The following FGF14 variants were observed in gnomAD, a reference collection of about 807,000 sequenced individuals.
FGF14 encodes the protein fibroblast growth factor homologous factor 4.
In FGF14, 5 loss-of-function variants were observed where a neutral mutation model predicts 25.5. The observed-to-expected ratio is 0.20, with a 90% CI of 0.10 to 0.41. The LOEUF (loss-of-function observed/expected upper bound fraction) is 0.41, where lower values mean the gene tolerates loss of function less well. Ranked by LOEUF, FGF14 falls within the 10% of genes least tolerant of loss-of-function variation. FGF14 has a pLI of 1.00. For synonymous variants in FGF14, 138 were observed against 118.3 expected (o/e 1.17, Z -1.08); for missense variants, 222 against 320.1 (o/e 0.69, Z 2.34).
intron 2 of FGF14, among the ~76,000 whole-genome samples, chr13:101,873,607 A>G (rs1291664543): frequency 6.6e-6 from 1 of 152,092 alleles, no homozygotes; most frequent in Non-Finnish European, 1.5e-5. Flanking sequence ...GTAACACGTA[A>G]GAGAAAGGAA....
chr13:102,159,139 CAAAAAAA>C (rs1228096265), intron 1 of FGF14, among the ~76,000 whole-genome samples: 11 of 74,124 alleles, frequency 1.5e-4, no homozygotes, highest in Non-Finnish European at 2.4e-4. Context: ...GACTCTGTCT[CAAAAAAA>C]AAAAAAAAAA....
intron 1 of FGF14, among the ~76,000 whole-genome samples, chr13:102,126,137 T>C (rs2045939148): frequency 6.6e-6 from 1 of 151,484 alleles, no homozygotes. Context: ...TTCAGAACAT[T>C]GTACAACCAT....
At chr13:102,209,247 T>C (rs756701734) in intron 1 of FGF14, among the ~76,000 whole-genome samples, 30 of 152,182 alleles carry the variant, frequency 2.0e-4, no homozygotes, top group Non-Finnish European at 3.8e-4. Context: ...AGCCCAAACC[T>C]TGGGGTATTT....
intron 1 of FGF14, among the ~76,000 whole-genome samples, chr13:101,906,946 C>T (rs549887625): frequency 9.9e-5 from 15 of 152,146 alleles, no homozygotes; most frequent in African/African-American, 2.6e-4. Context: ...CTATGATAAA[C>T]GGCCCTTCCA....
In FGF14 at chr13:101,714,352, T is replaced by A; in HGVS notation, c.*8479A>T. The A allele has an allele frequency of 1.2e-6, 1 of 808,964 alleles. No individual in the cohort carries two copies. Among genetic ancestry groups the A allele is most frequent in the Non-Finnish European group, 2.2e-6 (1 of 456,418 alleles). 50.1% of individuals were successfully genotyped at this position (808,964 alleles called of 1,614,324 possible). On this transcript the variant is annotated 3_prime_UTR_variant, in exon 5 of 5. Coordinates refer to ENST00000376143, the MANE Select transcript of FGF14 (RefSeq NM_004115.4). ...TTTGGATGATGGGTTATTAGAAGCCTGTTGTCAGTGTGTCAACGATATTCT... is the reference window on the plus strand; with the variant it reads ...TTTGGATGATGGGTTATTAGAAGCCAGTTGTCAGTGTGTCAACGATATTCT...
At chr13:102,091,321 G>T (rs1301487464) in intron 1 of FGF14, among the ~76,000 whole-genome samples, 1 of 152,084 alleles carries the variant, frequency 6.6e-6, no homozygotes, top group South Asian at 2.1e-4. Context: ...GATTCTCTCT[G>T]TTAGGATCTG....
At chr13:101,830,212 T>C (rs1354186981) in intron 3 of FGF14, among the ~76,000 whole-genome samples, 1 of 152,050 alleles carries the variant, frequency 6.6e-6, no homozygotes, top group Non-Finnish European at 1.5e-5. Flanking sequence ...TAGCAACCAT[T>C]TGATTTTTTT....
intron 2 of FGF14, among the ~76,000 whole-genome samples, chr13:101,872,967 A>G (rs538691129): frequency 1.3e-4 from 19 of 151,974 alleles, no homozygotes; most frequent in Non-Finnish European, 1.9e-4. Flanking sequence ...TAGCATTTAG[A>G]GTGTCAGAAG....
At chr13:102,329,897 A>G (rs1003598828) in intron 1 of FGF14, among the ~76,000 whole-genome samples, 1 of 151,930 alleles carries the variant, frequency 6.6e-6, no homozygotes, top group Admixed American at 6.6e-5. Context: ...GCTCTTTATT[A>G]CACTCTTCTG....
At chr13:102,030,521 A>T (rs1357688678) in intron 1 of FGF14, among the ~76,000 whole-genome samples, 1 of 152,096 alleles carries the variant, frequency 6.6e-6, no homozygotes, top group Non-Finnish European at 1.5e-5. Context: ...TGAAACAAAT[A>T]CATTCGGGGG....
At chr13:102,338,907 A>G (rs937003384) in intron 1 of FGF14, among the ~76,000 whole-genome samples, 1 of 151,452 alleles carries the variant, frequency 6.6e-6, no homozygotes, top group Non-Finnish European at 1.5e-5. Context: ...GATACTCGGG[A>G]GTCTGAGGCA....
intron 1 of FGF14, among the ~76,000 whole-genome samples, chr13:102,241,273 T>G (rs7988980): frequency 0.17 from 25,120 of 152,026 alleles, 2,223 homozygotes; most frequent in Non-Finnish European, 0.2. Flanking sequence ...ACAGATTACA[T>G]GCATGTATGA....
intron 1 of FGF14, among the ~76,000 whole-genome samples, chr13:102,346,245 G>T (rs1289388721): frequency 6.6e-6 from 1 of 151,970 alleles, no homozygotes; most frequent in East Asian, 1.9e-4. Flanking sequence ...TTGTAAATAG[G>T]TATATTCATA....
chr13:101,910,998 C>G (rs927976086), intron 1 of FGF14, among the ~76,000 whole-genome samples: 2 of 151,740 alleles, frequency 1.3e-5, no homozygotes, highest in African/African-American at 4.8e-5. Flanking sequence ...TTTGGGGAGA[C>G]ATTAATATAA....
rs1566800088 is a variant in FGF14, at chr13:102,191,687, CA to C, written c.208+209783del. The stretch of plus-strand genomic sequence containing the variant: ...CATGCAAAATACATTAATTTTATCC[CA>C]AAAGCCTCAAAAGTCTTAACAGATT... On this transcript the variant is annotated intron_variant, in intron 1 of 4. Coordinates refer to the FGF14 transcript ENST00000376131. 2.0e-5 allele frequency among the ~76,000 whole-genome samples: 3 copies of C among 152,276 alleles called. No individual in the cohort carries two copies. The East Asian group carries it at 5.8e-4, about 29-fold the overall frequency.
intron 1 of FGF14, among the ~76,000 whole-genome samples, chr13:101,876,409 A>C (rs2045397069): frequency 6.6e-6 from 1 of 152,170 alleles, no homozygotes; most frequent in Non-Finnish European, 1.5e-5. Context: ...TAATCAATAG[A>C]AAAATTGTGG....
rs71753230 is a variant in FGF14, at chr13:102,033,497, G to GCA, written c.209-158203_209-158202dup. 5.0e-3 allele frequency among the ~76,000 whole-genome samples: 732 copies of GCA among 145,100 alleles called. 4 individuals are homozygous for GCA. The highest frequency in any genetic ancestry group is 8.8e-3 in the African/African-American group (324 of 36,870). On this transcript the variant is annotated intron_variant, in intron 1 of 4. Transcript: ENST00000376131. ...TTTCAGCCTACGCTTGCGTGTGCAC[G>GCA]CACACACACACACACACACTCATGC...
intron 3 of FGF14, among the ~76,000 whole-genome samples, chr13:101,805,047 T>C (rs116367171): frequency 0.013 from 1,912 of 152,284 alleles, 41 homozygotes; most frequent in African/African-American, 0.044. Context: ...ATTTTCTTTA[T>C]ATTATAGTAA....
chr13:102,204,926 G>A (rs2049837989), intron 1 of FGF14, among the ~76,000 whole-genome samples: 3 of 152,204 alleles, frequency 2.0e-5, no homozygotes, highest in African/African-American at 4.8e-5. Context: ...AGGAGATAAA[G>A]TAGACAATGT....
Sources: gnomAD v4.1 joint callset for allele counts (sites outside exome capture counted in the v4.1 genomes callset) on GRCh38, gnomAD v4.1.1 for gene constraint, MANE v1.5 for transcripts, NCBI Gene and HGNC (gene_info 2026-07-23, HGNC 2026-07-21) for gene names.